STXBP5L: variants seen among roughly 807,000 people sequenced by gnomAD.
The protein encoded by STXBP5L is syntaxin binding protein 5L, also known as syntaxin-binding protein 5-like.
A neutral mutation model predicts 144.5 loss-of-function variants in STXBP5L; 65 were observed. The observed-to-expected ratio is 0.45, with a 90% CI of 0.37 to 0.55. STXBP5L has a LOEUF of 0.55. STXBP5L is among the 20% of genes least tolerant of loss of function. STXBP5L has a pLI of 0.00. For missense variants in STXBP5L, 1,298 were observed against 1,405.5 expected (o/e 0.92, Z 1.22); for synonymous variants, 505 against 469.6 (o/e 1.08, Z -0.97).
chr3:121,314,890 A>G (rs1290018727), intron 19 of STXBP5L, among the ~76,000 whole-genome samples: 2 of 152,254 alleles, frequency 1.3e-5, no homozygotes, highest in African/African-American at 4.8e-5. Flanking sequence ...AAAAATGCTC[A>G]TCATTACTGG....
chr3:121,085,511 A>C (rs1407355996), intron 5 of STXBP5L, among the ~76,000 whole-genome samples: 1 of 152,200 alleles, frequency 6.6e-6, no homozygotes, highest in Admixed American at 6.5e-5. Flanking sequence ...CAAAAATCAC[A>C]GGGATTCATA....
intron 11 of STXBP5L, 36 bp from the exon 12 acceptor site, chr3:121,233,580 A>G: frequency 4.6e-6 from 7 of 1,533,484 alleles, no homozygotes; most frequent in Non-Finnish European, 6.3e-6. Flanking sequence ...AGTATATACA[A>G]TATGAAAACT....
At chr3:121,376,251 G>C (rs2046180053) in intron 20 of STXBP5L, among the ~76,000 whole-genome samples, 1 of 152,190 alleles carries the variant, frequency 6.6e-6, no homozygotes, top group Non-Finnish European at 1.5e-5. Context: ...GTAAGTGGCA[G>C]AACTGAGATT....
In STXBP5L at chr3:121,415,911, G is replaced by A. The variant is rs765476354; in HGVS notation, c.3169G>A (p.Gly1057Ser). The change falls in exon 25 of 27, where the codon GGC becomes AGC. Residue 1057 changes from glycine (G) to serine (S), a missense_variant. Physicochemically the swap from Gly to Ser is moderately conservative, Grantham distance 56. Transcript: ENST00000471454. ...AGAGACACCAGAAGCTCAAAACAGA[G>A]GCTTTCTCAAGGGACTGTTTGGTGG... ...PIETPEAQNR[G>S]FLKGLFGGSG... 2 of 1,613,546 alleles carry A rather than the reference G, an allele frequency of 1.2e-6. No individual in the cohort carries two copies. The highest frequency in any genetic ancestry group is 2.2e-5 in the South Asian group (2 of 91,076).
chr3:121,350,167 G>T (rs1039077487), intron 20 of STXBP5L, among the ~76,000 whole-genome samples: 4 of 152,020 alleles, frequency 2.6e-5, no homozygotes, highest in Admixed American at 2.0e-4. Flanking sequence ...GTGACAAAAT[G>T]TCTCAGCATT....
intron 19 of STXBP5L, among the ~76,000 whole-genome samples, chr3:121,280,903 C>T (rs1434406513): frequency 6.1e-5 from 9 of 148,528 alleles, no homozygotes; most frequent in African/African-American, 2.0e-4. Context: ...TAGTGTGACC[C>T]CATCTCTAAT....
rs1487935596 is a variant in STXBP5L, at chr3:121,400,636, C to T, written c.2588-6607C>T. Reference sequence around the variant, plus strand: ...AGTCATGTGGTGAGACCCTCAGATGCCTGTGAAAGTCTGCAGTCATCTTGC... The same window carrying T: ...AGTCATGTGGTGAGACCCTCAGATGTCTGTGAAAGTCTGCAGTCATCTTGC... On this transcript the variant is annotated intron_variant, in intron 22 of 26. Coordinates refer to ENST00000471454, the MANE Select transcript of STXBP5L (RefSeq NM_001308330.2). 3.3e-5 allele frequency among the ~76,000 whole-genome samples: 5 copies of T among 152,268 alleles called. No homozygotes were observed. In the South Asian group the frequency reaches 6.2e-4, roughly 19 times the overall value.
chr3:121,318,592 G>T, intron 20 of STXBP5L, 52 bp downstream of exon 20: 2 of 1,211,032 alleles, frequency 1.7e-6, no homozygotes, highest in Non-Finnish European at 2.3e-6. Flanking sequence ...GCAGTAATCT[G>T]TTGCTTTATT....
At chr3:121,196,878 T>C (rs2047941112) in intron 9 of STXBP5L, among the ~76,000 whole-genome samples, 1 of 151,722 alleles carries the variant, frequency 6.6e-6, no homozygotes, top group Non-Finnish European at 1.5e-5. Flanking sequence ...AGACAGGGTC[T>C]ACCTATGTTG....
intron 3 of STXBP5L, among the ~76,000 whole-genome samples, chr3:120,981,838 G>A (rs1299071405): frequency 6.6e-6 from 1 of 152,110 alleles, no homozygotes; most frequent in South Asian, 2.1e-4. Context: ...GTTTTGATGG[G>A]ACATTGTTTT....
intron 9 of STXBP5L, among the ~76,000 whole-genome samples, chr3:121,179,997 G>C (rs958655510): frequency 2.0e-5 from 3 of 152,138 alleles, no homozygotes; most frequent in Non-Finnish European, 4.4e-5. Context: ...GAAATAAAAA[G>C]TTTGGAAAAT....
intron 10 of STXBP5L, among the ~76,000 whole-genome samples, chr3:121,213,265 G>C (rs1019136590): frequency 2.6e-5 from 4 of 152,142 alleles, no homozygotes; most frequent in African/African-American, 7.2e-5. Context: ...GGAGTGGTGA[G>C]AGACCTCATC....
At chr3:121,132,575 G>T (rs775770558) in intron 7 of STXBP5L, among the ~76,000 whole-genome samples, 1 of 152,188 alleles carries the variant, frequency 6.6e-6, no homozygotes, top group African/African-American at 2.4e-5. Flanking sequence ...TGCCTGCTTT[G>T]CCTAAAGTGC....
At chr3:121,248,714 T>G (rs1559903598) in intron 14 of STXBP5L, among the ~76,000 whole-genome samples, 1 of 152,222 alleles carries the variant, frequency 6.6e-6, no homozygotes, top group Non-Finnish European at 1.5e-5. Flanking sequence ...CATAAATTCT[T>G]TGCCAAGGCT....
At chr3:121,242,757 TAGACAATTTGAGAGTAAAA>T (rs1465087821) in intron 14 of STXBP5L, among the ~76,000 whole-genome samples, 1 of 151,806 alleles carries the variant, frequency 6.6e-6, no homozygotes, top group Non-Finnish European at 1.5e-5. Context: ...TATAACAGCA[TAGACAATTTGAGAGTAAAA>T]AGACAGAAAA....
intron 20 of STXBP5L, among the ~76,000 whole-genome samples, chr3:121,323,618 C>G (rs1444656316): frequency 6.6e-6 from 1 of 152,158 alleles, no homozygotes; most frequent in African/African-American, 2.4e-5. Flanking sequence ...CAAATAATTT[C>G]CAGTTTCTAC....
intron 10 of STXBP5L, among the ~76,000 whole-genome samples, chr3:121,209,418 T>G (rs2048467151): frequency 6.6e-6 from 1 of 152,046 alleles, no homozygotes; most frequent in African/African-American, 2.4e-5. Context: ...TTTTTTTATG[T>G]TTTTTTATTT....
intron 19 of STXBP5L, among the ~76,000 whole-genome samples, chr3:121,287,903 G>A (rs2051289036): frequency 6.6e-6 from 1 of 152,044 alleles, no homozygotes; most frequent in African/African-American, 2.4e-5. Context: ...TAAATAAATA[G>A]TTACACCAAG....
chr3:121,086,179 T>A (rs1301405339), intron 5 of STXBP5L, among the ~76,000 whole-genome samples: 2 of 152,172 alleles, frequency 1.3e-5, no homozygotes, highest in Non-Finnish European at 1.5e-5. Flanking sequence ...GATTAAAGAC[T>A]TTTTTCTTTT....
Sources: allele counts gnomAD v4.1 joint callset (sites outside exome capture counted in the v4.1 genomes callset), GRCh38; gene constraint gnomAD v4.1.1; transcripts MANE v1.5; gene names NCBI Gene and HGNC (gene_info 2026-07-23, HGNC 2026-07-21).